The following ZNF69 variants were observed in gnomAD, a reference collection of about 807,000 sequenced individuals.
ZNF69 encodes the protein ZNF3.
Under a neutral mutation model 50.9 loss-of-function variants are expected in ZNF69, and 47 were observed. The ratio of observed to expected loss-of-function variants is 0.92; its 90% CI spans 0.73 to 1.18. ZNF69 has a LOEUF of 1.18. ZNF69 is among the 50% of genes most tolerant of loss of function. The probability of loss-of-function intolerance (pLI) is 0.00; values close to 1 mark genes in which losing one functional copy is unlikely to be tolerated. For synonymous variants in ZNF69, 216 were observed against 223.1 expected, an observed-to-expected ratio of 0.97 and a Z score of 0.29; for missense variants, 717 against 675.1, an observed-to-expected ratio of 1.06 and a Z score of -0.69.
the ZNF69 span, chr19:11,979,712 G>A: frequency 2.5e-6 from 4 of 1,599,138 alleles, no homozygotes; most frequent in East Asian, 2.2e-5. Flanking sequence ...GAAGCCCTAC[G>A]AGTGTAAGCA....
chr19:11,966,641 G>A, the ZNF69 span, among the ~76,000 whole-genome samples: 1 of 152,012 alleles, frequency 6.6e-6, no homozygotes, highest in African/African-American at 2.4e-5. Context: ...CCCAGTGTGC[G>A]GGGATTACAG....
At chr19:11,937,919 C>T in the ZNF69 span, among the ~76,000 whole-genome samples, 1 of 152,082 alleles carries the variant, frequency 6.6e-6, no homozygotes, top group African/African-American at 2.4e-5. Context: ...TTTTGAATTG[C>T]AGATGTGTGA....
chr19:11,952,100 C>T, the ZNF69 span, among the ~76,000 whole-genome samples: 2 of 151,914 alleles, frequency 1.3e-5, no homozygotes, highest in Non-Finnish European at 2.9e-5. Flanking sequence ...GCTTGAATCT[C>T]GGGGGAGGGC....
At chr19:11,899,241 A>C (rs1972192588) in intron 1 of ZNF69, among the ~76,000 whole-genome samples, 1 of 152,192 alleles carries the variant, frequency 6.6e-6, no homozygotes, top group African/African-American at 2.4e-5. Flanking sequence ...CTTTCATGTA[A>C]AAATATGCAT....
intron 1 of ZNF69, among the ~76,000 whole-genome samples, chr19:11,901,938 G>C (rs567746873): frequency 6.6e-6 from 1 of 150,850 alleles, no homozygotes; most frequent in Non-Finnish European, 1.5e-5. Flanking sequence ...ATTATCCTGA[G>C]GTTTCATGCA....
the ZNF69 span, among the ~76,000 whole-genome samples, chr19:11,944,868 C>G: frequency 6.6e-6 from 1 of 152,212 alleles, no homozygotes; most frequent in Non-Finnish European, 1.5e-5. Context: ...TGAAGTGACT[C>G]CTGGCCTAGA....
chr19:11,974,125 CTTTTCTTTCTTTCTT>C, the ZNF69 span, among the ~76,000 whole-genome samples: 3 of 60,918 alleles, frequency 4.9e-5, no homozygotes, highest in African/African-American at 1.8e-4. Context: ...TTCTTTCTTT[CTTTTCTTTCTTTCTT>C]TCTTTCTTTC....
the ZNF69 span, among the ~76,000 whole-genome samples, chr19:11,934,032 CT>C: frequency 6.8e-6 from 1 of 147,290 alleles, no homozygotes; most frequent in African/African-American, 2.7e-5. Flanking sequence ...ACCATAGTTT[CT>C]TTATTCACCT....
the ZNF69 span, chr19:11,978,997 A>G: frequency 1.9e-6 from 3 of 1,614,234 alleles, no homozygotes; most frequent in Admixed American, 1.7e-5. Context: ...CTTCGTAGAC[A>G]TGAAAGGACC....
At chr19:11,933,767 C>T in the ZNF69 span, among the ~76,000 whole-genome samples, 1 of 145,988 alleles carries the variant, frequency 6.8e-6, no homozygotes, top group East Asian at 1.9e-4. Flanking sequence ...ATGGTGTGAA[C>T]CCAGGAGGCG....
At chr19:11,933,227 AG>A in the ZNF69 span, among the ~76,000 whole-genome samples, 2 of 146,160 alleles carry the variant, frequency 1.4e-5, no homozygotes, top group Admixed American at 6.7e-5. Flanking sequence ...AGGCCAGCCT[AG>A]GCAACATAGC....
chr19:11,913,444 A>G, exon 5 of ZNF69: 1 of 533,778 alleles, frequency 1.9e-6, no homozygotes, highest in Non-Finnish European at 3.4e-6. Flanking sequence ...GCTGGAGTGC[A>G]GTGGCATGAT....
exon 5 of ZNF69, chr19:11,913,418 T>C: frequency 1.8e-6 from 1 of 567,012 alleles, no homozygotes; most frequent in South Asian, 2.2e-5. Context: ...GAAAAAAATC[T>C]CACTCTGTCA....
intron 4 of ZNF69, among the ~76,000 whole-genome samples, chr19:11,913,057 C>T (rs541643676): frequency 6.6e-6 from 1 of 151,974 alleles, no homozygotes; most frequent in Non-Finnish European, 1.5e-5. Context: ...ATTAGCCAGG[C>T]GTGGTGGTGG....
chr19:11,962,519 C>A, the ZNF69 span, among the ~76,000 whole-genome samples: 1 of 152,110 alleles, frequency 6.6e-6, no homozygotes, highest in African/African-American at 2.4e-5. Flanking sequence ...TGCCAACATG[C>A]CCGACTGTTT....
the ZNF69 span, among the ~76,000 whole-genome samples, chr19:11,951,030 A>G: frequency 6.6e-6 from 1 of 151,202 alleles, no homozygotes; most frequent in Non-Finnish European, 1.5e-5. Flanking sequence ...GCGCACCGGT[A>G]GTCCCAGCTT....
In ZNF69 at chr19:11,911,816, T is replaced by A. The variant is rs543484269; in HGVS notation, c.449-1593T>A. 1.6e-3 allele frequency among the ~76,000 whole-genome samples: 245 copies of A among 151,094 alleles called. 1 individual carries two copies. The highest frequency in any genetic ancestry group is 2.5e-3 in the Non-Finnish European group (169 of 67,462). ...CACATGTACCCTAGAACTTAAAGTA[T>A]AATAATAATAATAATAAAAGAATGC... is the stretch of plus-strand genomic sequence containing the variant. On this transcript the variant is annotated intron_variant, in intron 4 of 4. Coordinates refer to the ZNF69 transcript ENST00000340180.
At chr19:11,945,803 C>G in the ZNF69 span, among the ~76,000 whole-genome samples, 1 of 152,018 alleles carries the variant, frequency 6.6e-6, no homozygotes, top group Non-Finnish European at 1.5e-5. Context: ...GAGATGGTGG[C>G]TCTCAGCTTG....
At chr19:11,974,362 A>T in the ZNF69 span, among the ~76,000 whole-genome samples, 3 of 150,900 alleles carry the variant, frequency 2.0e-5, no homozygotes, top group Non-Finnish European at 2.9e-5. Context: ...ACTCCTGATA[A>T]ATTTTTGTAT....
Sources: gnomAD v4.1 joint callset for allele counts (sites outside exome capture counted in the v4.1 genomes callset) on GRCh38, gnomAD v4.1.1 for gene constraint, MANE v1.5 for transcripts, NCBI Gene and HGNC (gene_info 2026-07-23, HGNC 2026-07-21) for gene names.